Variants in TRPM3 observed in about 807,000 individuals in gnomAD.
TRPM3 encodes transient receptor potential cation channel subfamily M member 3, also known as long transient receptor potential channel 3.
Under a neutral mutation model 181.2 loss-of-function variants are expected in TRPM3, and 77 were observed. The ratio of observed to expected loss-of-function variants is 0.42; its 90% CI spans 0.35 to 0.51. The LOEUF is 0.51. Ranked by LOEUF, TRPM3 falls within the 20% of genes least tolerant of loss-of-function variation. The pLI is 0.01. For missense variants in TRPM3, 1,759 were observed against 2,196.7 expected, an observed-to-expected ratio of 0.80 and a Z score of 3.98; for synonymous variants, 745 against 796.4, an observed-to-expected ratio of 0.94 and a Z score of 1.09.
rs970206848 is a variant in TRPM3, at chr9:70,901,444, CT to C, written c.178-36934del. Among the ~76,000 whole-genome samples, 495 of 146,308 alleles carry C rather than the reference CT, an allele frequency of 3.4e-3. 3 individuals carry two copies. The highest frequency in any genetic ancestry group is 0.01 in the African/African-American group (406 of 40,174). ...GGGAAATTATTAATATAACAGTTAA[CT>C]TTTTTTTTTTTAACAAGGTAGGTTA... On this transcript the variant is annotated intron_variant, in intron 1 of 25. Coordinates refer to ENST00000677713, the MANE Select transcript of TRPM3 (RefSeq NM_001366145.2).
In TRPM3 at chr9:70,530,490, A is replaced by C. The variant is rs2040731278; in HGVS notation, c.*5463T>G. 1 of 152,282 alleles carries C rather than the reference A, an allele frequency of 6.6e-6. No individual in the cohort carries two copies. The highest frequency in any genetic ancestry group is 1.5e-5 in the Non-Finnish European group (1 of 68,082). The allele number at this position is 152,282 out of a possible 1,614,324, so 9.4% of individuals were successfully genotyped here. A position where few individuals can be genotyped will look rare whatever the true frequency, so the allele number is the denominator to read the frequency against. On this transcript the variant is annotated 3_prime_UTR_variant, in exon 26 of 26. Transcript: ENST00000677713. ...GTTTCCAGCACACAAACATTGTGCA[A>C]ACGCACAAGGGCCTGCAGGTTTAAG...
chr9:70,647,890 C>T (rs1448843039), intron 9 of TRPM3, among the ~76,000 whole-genome samples: 1 of 152,148 alleles, frequency 6.6e-6, no homozygotes, highest in Non-Finnish European at 1.5e-5. Context: ...GTATTCTATA[C>T]ACCAATAATG....
chr9:71,369,350 CTT>C (rs1365424060), intron 1 of TRPM3, among the ~76,000 whole-genome samples: 3 of 152,246 alleles, frequency 2.0e-5, no homozygotes, highest in East Asian at 1.9e-4. Flanking sequence ...ATATAAGAAA[CTT>C]TATGACAATG....
intron 1 of TRPM3, among the ~76,000 whole-genome samples, chr9:71,102,028 G>A (rs902054144): frequency 3.3e-5 from 5 of 152,124 alleles, no homozygotes; most frequent in Non-Finnish European, 7.4e-5. Flanking sequence ...GTTCCAGCAT[G>A]CTTTTTTCTT....
chr9:71,061,126 T>G (rs146640736), intron 1 of TRPM3, among the ~76,000 whole-genome samples: 1 of 152,148 alleles, frequency 6.6e-6, no homozygotes, highest in South Asian at 2.1e-4. Context: ...AATAAGACTC[T>G]GAAATAGAAA....
At chr9:70,852,288 C>A (rs984564920) in intron 3 of TRPM3, among the ~76,000 whole-genome samples, 4 of 152,048 alleles carry the variant, frequency 2.6e-5, no homozygotes, top group African/African-American at 9.7e-5. Context: ...CTCCCAACAA[C>A]AGGGATGTTG....
intron 1 of TRPM3, among the ~76,000 whole-genome samples, chr9:71,063,669 T>C (rs114977978): frequency 6.6e-6 from 1 of 151,910 alleles, no homozygotes; most frequent in Non-Finnish European, 1.5e-5. Context: ...TAGACAAAGA[T>C]GGCTGAGGGG....
At chr9:70,832,567 G>C (rs1212048099) in intron 5 of TRPM3, among the ~76,000 whole-genome samples, 1 of 152,154 alleles carries the variant, frequency 6.6e-6, no homozygotes, top group Non-Finnish European at 1.5e-5. Flanking sequence ...TGTTTAAGAG[G>C]TGAAAGGAGG....
In TRPM3 at chr9:70,862,958, C is replaced by T. The variant is rs1404156737; in HGVS notation, c.412G>A (p.Ala138Thr). 1.2e-6 allele frequency: 2 copies of T among 1,613,692 alleles called. No homozygotes were observed. Among genetic ancestry groups the T allele is most frequent in the Non-Finnish European group, 1.7e-6 (2 of 1,179,702 alleles). The change falls in exon 3 of 26, where the codon GCT becomes ACT. Residue 138 changes from alanine to threonine, a missense_variant. This residue lies in a region of TRPM3 where 737 missense variants were observed against 957.4 expected (regional missense o/e 0.77). Coordinates refer to ENST00000677713, the MANE Select transcript of TRPM3 (RefSeq NM_001366145.2). Reference sequence around the variant, plus strand: ...CCTTGGAACTCAATGGTCCCAAAAGCATCCGTAGGGCTGAGTTGAGTGTGT... The same window carrying T: ...CCTTGGAACTCAATGGTCCCAAAAGTATCCGTAGGGCTGAGTTGAGTGTGT... ...SKHTQLSPTDAFGTIEFQGGG... is the reference protein window; with the variant it reads ...SKHTQLSPTDTFGTIEFQGGG...
At chr9:71,112,150 C>T (rs1433774720) in intron 1 of TRPM3, among the ~76,000 whole-genome samples, 1 of 152,112 alleles carries the variant, frequency 6.6e-6, no homozygotes. Context: ...CAAGGGTGGC[C>T]CCAGCAAGTT....
intron 14 of TRPM3, among the ~76,000 whole-genome samples, chr9:70,622,321 C>T (rs554735711): frequency 1.8e-4 from 27 of 152,220 alleles, no homozygotes; most frequent in Non-Finnish European, 3.4e-4. Context: ...CCTGAATAGA[C>T]GAAGACAAAT....
chr9:70,691,233 C>T (rs2068447400), intron 8 of TRPM3, among the ~76,000 whole-genome samples: 1 of 152,034 alleles, frequency 6.6e-6, no homozygotes, highest in African/African-American at 2.4e-5. Context: ...AAGTGGGTGA[C>T]TTAAAAGTGA....
chr9:70,758,407 A>T (rs984345576), intron 8 of TRPM3, among the ~76,000 whole-genome samples: 3 of 152,224 alleles, frequency 2.0e-5, no homozygotes, highest in Admixed American at 2.0e-4. Flanking sequence ...CATACTGCCA[A>T]AAGTAATTTA....
At chr9:70,839,439 T>C (rs996500683) in intron 5 of TRPM3, among the ~76,000 whole-genome samples, 1 of 152,156 alleles carries the variant, frequency 6.6e-6, no homozygotes, top group African/African-American at 2.4e-5. Context: ...GCTAGTGCCA[T>C]CCTAAAGGGG....
intron 6 of TRPM3, among the ~76,000 whole-genome samples, chr9:70,818,909 G>T (rs138511731): frequency 6.6e-6 from 1 of 152,098 alleles, no homozygotes; most frequent in Non-Finnish European, 1.5e-5. Context: ...GCTGATGTCC[G>T]GCTTGCTGTG....
intron 9 of TRPM3, among the ~76,000 whole-genome samples, chr9:70,652,385 A>G (rs1214535409): frequency 6.6e-6 from 1 of 152,250 alleles, no homozygotes; most frequent in East Asian, 1.9e-4. Flanking sequence ...ACCTAGAGTT[A>G]TTCATGTAGA....
intron 1 of TRPM3, among the ~76,000 whole-genome samples, chr9:71,251,038 A>AAATGGATGGATG (rs1282165739): frequency 6.6e-6 from 1 of 152,154 alleles, no homozygotes; most frequent in Non-Finnish European, 1.5e-5. Context: ...ATGGATAGAG[A>AAATGGATGGATG]AATGGATGGA....
intron 22 of TRPM3, among the ~76,000 whole-genome samples, chr9:70,586,977 C>T (rs2057247411): frequency 6.6e-6 from 1 of 151,240 alleles, no homozygotes; most frequent in Non-Finnish European, 1.5e-5. Flanking sequence ...ATCACAGAGA[C>T]AACATGGACA....
intron 1 of TRPM3, among the ~76,000 whole-genome samples, chr9:71,267,112 T>C (rs778661706): frequency 2.6e-5 from 4 of 152,146 alleles, no homozygotes; most frequent in Non-Finnish European, 4.4e-5. Context: ...CCTGGAGCAC[T>C]GGATTTCCCT....
Sources: gnomAD v4.1 joint callset for allele counts (sites outside exome capture counted in the v4.1 genomes callset) on GRCh38, gnomAD v4.1.1 for gene constraint, gnomAD v4.1.1 regional missense constraint, MANE v1.5 for transcripts, NCBI Gene and HGNC (gene_info 2026-07-23, HGNC 2026-07-21) for gene names.